The following PRELID2 variants were observed in gnomAD, a reference collection of about 807,000 sequenced individuals.
The protein encoded by PRELID2 is PRELI domain-containing protein 2.
PRELID2 carries 25 observed loss-of-function variants against 28.4 expected under a neutral mutation model. The observed-to-expected ratio is 0.88, with a 90% CI of 0.64 to 1.23. PRELID2 has a LOEUF of 1.23. Ranked by LOEUF, PRELID2 falls within the 50% of genes most tolerant of loss-of-function variation. The pLI, the probability that PRELID2 is intolerant of heterozygous loss-of-function variation, is 0.00. For missense variants in PRELID2, 201 were observed against 214.4 expected, an observed-to-expected ratio of 0.94 and a Z score of 0.39; for synonymous variants, 76 against 71.6, an observed-to-expected ratio of 1.06 and a Z score of -0.31.
intron 1 of PRELID2, among the ~76,000 whole-genome samples, chr5:145,568,693 G>C (rs900685352): frequency 6.6e-6 from 1 of 152,216 alleles, no homozygotes; most frequent in Admixed American, 6.5e-5. Flanking sequence ...TCCCTGGCCT[G>C]CCTCATAAAT....
chr5:145,413,831 C>T, the PRELID2 span, among the ~76,000 whole-genome samples: 1 of 152,086 alleles, frequency 6.6e-6, no homozygotes, highest in Non-Finnish European at 1.5e-5. Flanking sequence ...TTTATATAAC[C>T]TAATGACCGG....
intron 1 of PRELID2, among the ~76,000 whole-genome samples, chr5:145,527,645 T>C (rs1202574312): frequency 1.3e-5 from 2 of 152,184 alleles, no homozygotes; most frequent in Admixed American, 6.6e-5. Context: ...AAGGGTAATA[T>C]TGTATTAAGA....
chr5:145,232,000 G>T, the PRELID2 span, among the ~76,000 whole-genome samples: 5 of 151,842 alleles, frequency 3.3e-5, no homozygotes, highest in African/African-American at 1.2e-4. Flanking sequence ...TCTGTGTCTT[G>T]CACACACGCT....
intron 5 of PRELID2, among the ~76,000 whole-genome samples, chr5:145,773,823 C>T (rs543164950): frequency 6.6e-6 from 1 of 152,350 alleles, no homozygotes; most frequent in Admixed American, 6.5e-5. Flanking sequence ...TGGTTAGCAG[C>T]ATGCTTGTAC....
chr5:145,790,725 A>G (rs57806461), intron 5 of PRELID2, among the ~76,000 whole-genome samples: 4,127 of 36,524 alleles, frequency 0.11, 173 homozygotes, highest in African/African-American at 0.19. Flanking sequence ...GTGTGTGTAT[A>G]TATATATATA....
At chr5:145,358,937 C>CA in the PRELID2 span, among the ~76,000 whole-genome samples, 1 of 152,108 alleles carries the variant, frequency 6.6e-6, no homozygotes, top group Non-Finnish European at 1.5e-5. Context: ...CTAGCTTTGC[C>CA]AAAAAGGTCA....
intron 5 of PRELID2, among the ~76,000 whole-genome samples, chr5:145,771,019 A>G (rs542504695): frequency 1.3e-5 from 2 of 152,184 alleles, no homozygotes; most frequent in Non-Finnish European, 2.9e-5. Flanking sequence ...AATGTCCAGT[A>G]AAGTCCCATG....
chr5:145,740,578 ATATT>A (rs1302869865), intron 1 of PRELID2, among the ~76,000 whole-genome samples: 2 of 17,832 alleles, frequency 1.1e-4, no homozygotes, highest in African/African-American at 2.2e-4. Context: ...TGAAATATAT[ATATT>A]ATATATATAA....
intron 1 of PRELID2, among the ~76,000 whole-genome samples, chr5:145,614,061 T>A (rs1000152922): frequency 6.6e-6 from 1 of 152,230 alleles, no homozygotes; most frequent in African/African-American, 2.4e-5. Flanking sequence ...CCCAGCACCA[T>A]TTGTTGAAAA....
intron 1 of PRELID2, among the ~76,000 whole-genome samples, chr5:145,741,926 AAATT>A (rs1756802785): frequency 1.4e-5 from 1 of 71,124 alleles, no homozygotes; most frequent in Non-Finnish European, 2.8e-5. Context: ...ATAAACAAAT[AAATT>A]TATTATAAAT....
At chr5:145,739,202 T>G (rs1464698138) in intron 1 of PRELID2, among the ~76,000 whole-genome samples, 1 of 152,114 alleles carries the variant, frequency 6.6e-6, no homozygotes, top group African/African-American at 2.4e-5. Flanking sequence ...TAAAAACAAT[T>G]TAAATAAGAA....
intron 1 of PRELID2, among the ~76,000 whole-genome samples, chr5:145,719,621 T>A (rs1412273939): frequency 6.6e-6 from 1 of 151,980 alleles, no homozygotes; most frequent in African/African-American, 2.4e-5. Flanking sequence ...AAGAGGGATC[T>A]CTTGAATTAA....
At chr5:145,329,930 G>A in the PRELID2 span, among the ~76,000 whole-genome samples, 4 of 151,990 alleles carry the variant, frequency 2.6e-5, no homozygotes, top group African/African-American at 9.7e-5. Context: ...CATAAATAGC[G>A]CTTATTATTT....
the PRELID2 span, among the ~76,000 whole-genome samples, chr5:145,232,137 C>T: frequency 7.2e-5 from 11 of 152,102 alleles, no homozygotes; most frequent in East Asian, 5.8e-4. Context: ...TGCTGAGTGA[C>T]GCCTTAGTGA....
At chr5:145,329,327 G>A in the PRELID2 span, among the ~76,000 whole-genome samples, 1 of 152,128 alleles carries the variant, frequency 6.6e-6, no homozygotes, top group South Asian at 2.1e-4. Context: ...AAAGTCAGTG[G>A]TAGCTTAATG....
At chr5:145,605,747 T>C (rs1753495110) in intron 1 of PRELID2, among the ~76,000 whole-genome samples, 1 of 151,984 alleles carries the variant, frequency 6.6e-6, no homozygotes, top group African/African-American at 2.4e-5. Context: ...TAAATTTTTA[T>C]ACATATAATT....
At chr5:145,762,398 GT>G (rs1272966556) in intron 6 of PRELID2, among the ~76,000 whole-genome samples, 1 of 151,776 alleles carries the variant, frequency 6.6e-6, no homozygotes, top group Non-Finnish European at 1.5e-5. Context: ...TTAGCCAGGT[GT>G]GGTGGTGCAC....
At chr5:145,603,729 C>T (rs1000992467) in intron 1 of PRELID2, among the ~76,000 whole-genome samples, 2 of 152,002 alleles carry the variant, frequency 1.3e-5, no homozygotes, top group Non-Finnish European at 2.9e-5. Flanking sequence ...TATACACACA[C>T]GTTAGCATTT....
At chr5:145,830,469 C>T (rs1322010978) in intron 1 of PRELID2, among the ~76,000 whole-genome samples, 1 of 152,144 alleles carries the variant, frequency 6.6e-6, no homozygotes, top group African/African-American at 2.4e-5. Flanking sequence ...AGTGAGATTC[C>T]AGAGAAGACC....
Sources: allele counts gnomAD v4.1 joint callset (sites outside exome capture counted in the v4.1 genomes callset), GRCh38; gene constraint gnomAD v4.1.1; transcripts MANE v1.5; gene names NCBI Gene and HGNC (gene_info 2026-07-23, HGNC 2026-07-21).